Variants in FTCD observed in about 807,000 individuals in gnomAD.
FTCD encodes the protein formimidoyltransferase-cyclodeaminase.
FTCD carries 76 observed loss-of-function variants against 62.9 expected under a neutral mutation model. The ratio of observed to expected loss-of-function variants is 1.21; its 90% CI spans 1.00 to 1.46. The LOEUF (loss-of-function observed/expected upper bound fraction) is 1.46. FTCD is among the 40% of genes most tolerant of loss of function. The pLI is 0.00. For synonymous variants in FTCD, 397 were observed against 336.9 expected, an observed-to-expected ratio of 1.18 and a Z score of -1.95; for missense variants, 845 against 751.3, an observed-to-expected ratio of 1.12 and a Z score of -1.46.
chr21:46,138,767 A>G, intron 11 of FTCD, 113 bp downstream of exon 11: 1 of 1,436,922 alleles, frequency 7.0e-7, no homozygotes, highest in South Asian at 1.1e-5. Flanking sequence ...ATTCCCAAAC[A>G]CCCAGCACGC....
Position 46,137,251 on chromosome 21 carries a change from T to A in FTCD, c.1527A>T (p.Ala509=). The change falls in exon 13 of 14, where the codon GCA becomes GCT. Residue 509 remains alanine (A), a synonymous_variant. Coordinates refer to ENST00000397746, the MANE Select transcript of FTCD (RefSeq NM_206965.2). ...LINLRDITDE[A]FKDQIHHRVS... ...GCCTCCTGCTCACCTGGTCCTTAAA[T>A]GCCTCGTCTGTGATGTCCCTCAGGT... The A allele has an allele frequency of 6.2e-7, 1 of 1,612,636 alleles. No homozygotes were observed.
rs2079116849 is a variant in FTCD, at chr21:46,145,439, G to A, written c.1238C>T (p.Ala413Val). The A allele has an allele frequency of 1.3e-6, 2 of 1,556,784 alleles. No homozygotes were observed. Among genetic ancestry groups the A allele is most frequent in the Non-Finnish European group, 1.7e-6 (2 of 1,151,270 alleles). ...AKLTTLVDAD[A>V]EAFTAYLEAM... ...CACCAGGTAGGCGGTGAAGGCCTCG[G>A]CGTCGGCATCCACCAGCGTGGTTAG... Residue 413 changes from alanine to valine, a missense_variant, in exon 10 of 14, where the codon GCC becomes GTC. Coordinates refer to ENST00000397746, the MANE Select transcript of FTCD (RefSeq NM_206965.2).
chr21:46,137,399 C>T lies in FTCD; in HGVS notation c.1444-65G>A, dbSNP rs145781453. 7.4e-4 allele frequency: 904 copies of T among 1,228,918 alleles called. 1 individual carries two copies. Among genetic ancestry groups the T allele is most frequent in the South Asian group, 1.5e-3 (126 of 83,352 alleles). The allele number at this position is 1,228,918 out of a possible 1,614,324, so 76.1% of individuals were successfully genotyped here. On this transcript the variant is annotated intron_variant, in intron 12 of 13. Coordinates refer to ENST00000397746, the MANE Select transcript of FTCD (RefSeq NM_206965.2). ...GAGCAAACTGCCGGAAGGAGGGTCTCTGCCTGACGGGCTCTGGGACAGGCC... is the reference window on the plus strand; with the variant it reads ...GAGCAAACTGCCGGAAGGAGGGTCTTTGCCTGACGGGCTCTGGGACAGGCC...
chr21:46,138,117 C>CT (rs2078911319), intron 12 of FTCD, among the ~76,000 whole-genome samples: 1 of 152,190 alleles, frequency 6.6e-6, no homozygotes, highest in Non-Finnish European at 1.5e-5. Flanking sequence ...TCTCGACCTC[C>CT]TCTATTCAAG....
intron 7 of FTCD, among the ~76,000 whole-genome samples, chr21:46,147,407 G>A (rs532435264): frequency 6.6e-6 from 1 of 152,172 alleles, no homozygotes; most frequent in African/African-American, 2.4e-5. Flanking sequence ...CAAAAACTCA[G>A]CTTCAGGGGG....
intron 10 of FTCD, among the ~76,000 whole-genome samples, chr21:46,141,219 C>A (rs1601305345): frequency 6.6e-6 from 1 of 151,952 alleles, no homozygotes; most frequent in East Asian, 1.9e-4. Flanking sequence ...CTCACTGCAG[C>A]CTCAAACTCC....
Position 46,137,614 on chromosome 21 carries a change from A to C in FTCD, c.1444-280T>G, listed in dbSNP as rs559457852. Among the ~76,000 whole-genome samples, 41 of 111,208 alleles carry C rather than the reference A, an allele frequency of 3.7e-4. No individual in the cohort carries two copies. The East Asian group carries it at 0.019, about 50-fold the overall frequency. The allele number at this position is 111,208 out of a possible 152,430, so 73.0% of individuals were successfully genotyped here. ...CTCTAGGAACCAGGACCACAGTTCT[A>C]GAGACAAAGTCATCCCCTGGAGGGC... On this transcript the variant is annotated intron_variant, in intron 12 of 13. Coordinates refer to ENST00000397746, the MANE Select transcript of FTCD (RefSeq NM_206965.2).
downstream of FTCD, chr21:46,136,619 G>T: frequency 3.3e-6 from 5 of 1,504,590 alleles, no homozygotes; most frequent in Admixed American, 2.1e-5. Flanking sequence ...TGCACTGGGT[G>T]TCTGGGGACC....
At chr21:46,154,932 G>A (rs533760389) in intron 1 of FTCD, among the ~76,000 whole-genome samples, 6 of 152,364 alleles carry the variant, frequency 3.9e-5, no homozygotes, top group South Asian at 2.1e-4. Flanking sequence ...GTTTGTTCCC[G>A]GAGGAGCCTG....
intron 10 of FTCD, 26 bp from the exon 11 acceptor site, chr21:46,138,949 G>A: frequency 6.3e-7 from 1 of 1,597,636 alleles, no homozygotes. Context: ...AGAACCACTG[G>A]GCGAGGGACC....
rs398124233 is a variant in FTCD, at chr21:46,137,298, C to T, written c.1480G>A (p.Ala494Thr). Reference protein sequence around the residue: ...AKALEMGVFGAYFNVLINLRD... With the variant: ...AKALEMGVFGTYFNVLINLRD... ...AGGTTGATGAGCACGTTGAAATATG[C>T]GCCAAACACGCCCATCTCCAGGGCT... Residue 494 changes from alanine to threonine, a missense_variant, in exon 13 of 14, where the codon GCA becomes ACA. Ala to Thr is a moderately conservative substitution (Grantham distance 58). Transcript: ENST00000397746. 31 of 1,613,638 alleles carry T rather than the reference C, an allele frequency of 1.9e-5. No homozygotes were observed. The highest frequency in any genetic ancestry group is 1.1e-4 in the East Asian group (5 of 44,880).
chr21:46,145,983 G>A, intron 8 of FTCD, 36 bp from the exon 9 acceptor site: 1 of 1,297,842 alleles, frequency 7.7e-7, no homozygotes. Context: ...GTCTGGCCGG[G>A]GTTGGTGGGG....
intron 7 of FTCD, among the ~76,000 whole-genome samples, chr21:46,148,590 G>A (rs775284826): frequency 4.3e-4 from 65 of 152,214 alleles, no homozygotes; most frequent in Middle Eastern, 3.2e-3. Flanking sequence ...CTGCACTCCA[G>A]CCTGGGTGAC....
rs556038537 is a variant in FTCD, at chr21:46,155,383, A to G, written c.54+87T>C. On this transcript the variant is annotated intron_variant, in intron 1 of 13. Transcript: ENST00000397746. ...CCTGGGAAGACGACCCGGGACACCA[A>G]GCCCACCACCTCCTCCATGGCCTGG... The G allele has an allele frequency of 4.4e-5, 51 of 1,146,142 alleles. No homozygotes were observed. In the East Asian group the frequency reaches 1.1e-3, roughly 25 times the overall value. The allele number at this position is 1,146,142 out of a possible 1,614,324, so 71.0% of individuals were successfully genotyped here.
At chr21:46,138,848 G>C (rs2078930769) in intron 11 of FTCD, 32 bp downstream of exon 11, 3 of 1,591,206 alleles carry the variant, frequency 1.9e-6, no homozygotes, top group Non-Finnish European at 1.7e-6. Flanking sequence ...CAGACACAGA[G>C]GCCCACGGTG....
In FTCD at chr21:46,145,871, C is replaced by T. The variant is rs1310383687; in HGVS notation, c.1045G>A (p.Ala349Thr). The T allele has an allele frequency of 2.1e-6, 3 of 1,433,460 alleles. No individual in the cohort carries two copies. Among genetic ancestry groups the T allele is most frequent in the African/African-American group, 1.7e-5 (1 of 59,834 alleles). The allele number at this position is 1,433,460 out of a possible 1,614,324, so 88.8% of individuals were successfully genotyped here. ...SLRAFVGEVG[A>T]RSAAPGGGSV... ...CCGCCCCCGGGGGCCGCAGAGCGGG[C>T]ACCCACCTCCCCCACGAAGGCGCGC... The change falls in exon 9 of 14, where the codon GCC becomes ACC. Residue 349 changes from alanine (A) to threonine (T), a missense_variant. By Grantham distance (58) the Ala-to-Thr change is moderately conservative. Coordinates refer to ENST00000397746, the MANE Select transcript of FTCD (RefSeq NM_206965.2).
At chr21:46,136,507 C>T (rs1481123807), downstream of FTCD, 13 of 1,612,182 alleles carry the variant, frequency 8.1e-6, no homozygotes, top group African/African-American at 1.3e-5. Flanking sequence ...GTCCCATGCA[C>T]AGAACCAGGG....
intron 3 of FTCD, chr21:46,152,701 C>A (rs1188638687): frequency 3.7e-6 from 2 of 533,552 alleles, no homozygotes; most frequent in Admixed American, 3.3e-5. Context: ...GCGGTGTAGT[C>A]TGAGGAGGCC....
At chr21:46,154,869 T>C (rs774150503) in intron 1 of FTCD, among the ~76,000 whole-genome samples, 1 of 152,204 alleles carries the variant, frequency 6.6e-6, no homozygotes, top group Non-Finnish European at 1.5e-5. Context: ...GGGTGACCCC[T>C]GTGGCCTGGT....
Sources: allele counts gnomAD v4.1 joint callset (sites outside exome capture counted in the v4.1 genomes callset), GRCh38; gene constraint gnomAD v4.1.1; transcripts MANE v1.5; gene names NCBI Gene and HGNC (gene_info 2026-07-23, HGNC 2026-07-21).